PDHA1: variants seen among roughly 807,000 people sequenced by gnomAD.
The protein encoded by PDHA1 is pyruvate dehydrogenase E1 component subunit alpha, somatic form, mitochondrial.
In PDHA1, 1 loss-of-function variant was observed where a neutral mutation model predicts 33.0. The observed-to-expected ratio is 0.03, with a 90% confidence interval of 0.01 to 0.14. The LOEUF (loss-of-function observed/expected upper bound fraction) is 0.14, where lower values mean the gene tolerates loss of function less well. PDHA1 is among the 10% of genes least tolerant of loss of function. PDHA1 has a pLI of 1.00. For synonymous variants in PDHA1, 123 were observed against 119.2 expected, an observed-to-expected ratio of 1.03 and a Z score of -0.21; for missense variants, 168 against 325.1, an observed-to-expected ratio of 0.52 and a Z score of 3.72.
intron 8 of PDHA1, 97 bp from the exon 9 acceptor site, chrX:19,357,555 C>A: frequency 1.5e-6 from 1 of 646,803 alleles, no homozygotes; most frequent in Non-Finnish European, 2.6e-6. Context: ...CTACACTGGA[C>A]GCTTAATAAA....
At chrX:19,351,246 A>T in intron 3 of PDHA1, 35 bp from the exon 4 acceptor site, 1 of 1,195,673 alleles carries the variant, frequency 8.4e-7, no homozygotes, top group South Asian at 1.8e-5. Context: ...AACATGTATC[A>T]TATTGCCTCA....
intron 8 of PDHA1, among the ~76,000 whole-genome samples, 187 bp downstream of exon 8, chrX:19,355,944 C>T (rs147568238): frequency 8.0e-5 from 9 of 111,944 alleles, no homozygotes; most frequent in African/African-American, 2.9e-4. Context: ...GGGAAGCCTA[C>T]GTTTCTCTCA....
chrX:19,357,326 G>A, intron 8 of PDHA1: 1 of 287,490 alleles, frequency 3.5e-6, no homozygotes, highest in Non-Finnish European at 6.3e-6. Context: ...GAACTCCTGG[G>A]CGCAAGTGCT....
At position 19,361,245 on chromosome X, in the gene PDHA1, T is replaced by C; in HGVS notation, c.*1592T>C. 1.4e-6 allele frequency: 1 copy of C among 737,379 alleles called. No individual in the cohort carries two copies. The allele number at this position is 737,379 out of a possible 1,213,427, so 60.8% of individuals were successfully genotyped here. On this transcript the variant is annotated 3_prime_UTR_variant, in exon 11 of 11. Transcript: ENST00000422285. ...TTGAACCTAATAGAACTCCAGAGTT[T>C]GGGGGGAGGCCCAGCCCTTTGTTTT...
At position 19,349,332 on chromosome X, in the gene PDHA1, A is replaced by G; in HGVS notation, c.78A>G (p.Ala26=). 1 of 1,192,114 alleles carries G rather than the reference A, an allele frequency of 8.4e-7. No individual in the cohort carries two copies. The highest frequency in any genetic ancestry group is 1.1e-6 in the Non-Finnish European group (1 of 877,590). ...SQKPASRVLV[A]SRNFANDATF... Reference sequence around the variant, plus strand: ...TTAAGGCAAGCAGAGTGCTGGTAGCATCCCGTAATTTTGCAAATGATGCTA... The same window carrying G: ...TTAAGGCAAGCAGAGTGCTGGTAGCGTCCCGTAATTTTGCAAATGATGCTA... Residue 26 remains alanine, a synonymous_variant, in exon 2 of 11, where the codon GCA becomes GCG. Coordinates refer to ENST00000422285, the MANE Select transcript of PDHA1 (RefSeq NM_000284.4).
At chrX:19,346,594 G>T in intron 1 of PDHA1, 1 of 972,280 alleles carries the variant, frequency 1.0e-6, no homozygotes, top group Non-Finnish European at 1.3e-6. Flanking sequence ...AAAGTGCTGG[G>T]ATTACTCTCA....
chrX:19,353,317 A>C (rs1466994708), intron 5 of PDHA1, 144 bp downstream of exon 5: 1 of 529,122 alleles, frequency 1.9e-6, no homozygotes, highest in Admixed American at 2.7e-5. Context: ...CGCATATATG[A>C]TGTTGGACCC....
intron 1 of PDHA1, among the ~76,000 whole-genome samples, chrX:19,345,572 TAAAAAA>T (rs11318265): frequency 9.9e-5 from 3 of 30,270 alleles, no homozygotes; most frequent in South Asian, 2.9e-3. Flanking sequence ...CTCCGTATTT[TAAAAAA>T]AAAAAAAAAA....
chrX:19,361,038 G>C lies in PDHA1; in HGVS notation c.*1385G>C, dbSNP rs1034574417. 3.6e-4 allele frequency: 150 copies of C among 420,043 alleles called. No homozygotes were observed. The highest frequency in any genetic ancestry group is 1.1e-4 in the Non-Finnish European group (26 of 245,237). The allele number at this position is 420,043 out of a possible 1,213,427, so 34.6% of individuals were successfully genotyped here. A position where few individuals can be genotyped will look rare whatever the true frequency, so the allele number is the denominator to read the frequency against. On this transcript the variant is annotated 3_prime_UTR_variant, in exon 11 of 11. Transcript: ENST00000422285. ...GCTATTTCAAATGACTCGGGAACAA[G>C]AAGGCAGGCTGCAGTTTAAAGAAGG...
intron 8 of PDHA1, 27 bp from the exon 9 acceptor site, chrX:19,357,625 A>ACTAACTGC: frequency 8.5e-7 from 1 of 1,178,653 alleles, no homozygotes. Context: ...TTCCTAACTA[A>ACTAACTGC]CTAACTGCCT....
intron 5 of PDHA1, chrX:19,353,389 A>G (rs2063175521): frequency 6.7e-6 from 3 of 450,261 alleles, no homozygotes; most frequent in Non-Finnish European, 7.9e-6. Flanking sequence ...GGCACAACAC[A>G]TTACCTTTTC....
At chrX:19,358,693 G>C (rs893643540) in intron 9 of PDHA1, among the ~76,000 whole-genome samples, 1 of 112,013 alleles carries the variant, frequency 8.9e-6, no homozygotes, top group African/African-American at 3.2e-5. Flanking sequence ...GACAGAAGCA[G>C]TTATTACAGA....
At chrX:19,344,522 G>T (rs917410513) in intron 1 of PDHA1, among the ~76,000 whole-genome samples, 2 of 113,308 alleles carry the variant, frequency 1.8e-5, no homozygotes, top group African/African-American at 6.4e-5. Context: ...GGGTGGCTTC[G>T]TTCAAACAGC....
intron 1 of PDHA1, among the ~76,000 whole-genome samples, chrX:19,346,242 G>A (rs2063132613): frequency 1.8e-5 from 2 of 111,831 alleles, no homozygotes; most frequent in Admixed American, 9.5e-5. Flanking sequence ...GTAGGCAGCT[G>A]GTCTGATGGC....
rs1569194295 is a variant in PDHA1, at chrX:19,359,668, G to GA, written c.*16dup. The GA allele has an allele frequency of 3.4e-6, 4 of 1,193,590 alleles. No homozygotes were observed. The Admixed American group carries it at 6.5e-5, about 19-fold the overall frequency. On this transcript the variant is annotated 3_prime_UTR_variant, in exon 11 of 11. Coordinates refer to ENST00000422285, the MANE Select transcript of PDHA1 (RefSeq NM_000284.4). ...CAGTCAGTTAAGGGGAGGAGAAGGAGAGGTTATACCTTCAGGGGGCTACCA... is the reference window on the plus strand; with the variant it reads ...CAGTCAGTTAAGGGGAGGAGAAGGAGAAGGTTATACCTTCAGGGGGCTACCA...
intron 3 of PDHA1, among the ~76,000 whole-genome samples, chrX:19,350,546 G>A (rs1353328166): frequency 1.8e-5 from 2 of 112,508 alleles, no homozygotes; most frequent in Non-Finnish European, 3.8e-5. Flanking sequence ...GATTACAGGC[G>A]TGAGCCACTG....
chrX:19,355,518 T>C lies in PDHA1; in HGVS notation c.759+14T>C, dbSNP rs1254050122. The C allele has an allele frequency of 8.4e-7, 1 of 1,195,217 alleles. No individual in the cohort carries two copies. Among genetic ancestry groups the C allele is most frequent in the Non-Finnish European group, 1.1e-6 (1 of 893,676 alleles). On this transcript the variant is annotated intron_variant, in intron 7 of 10. Transcript: ENST00000422285. ...CCTGGGCTGAGAGTAAGGACACCTG[T>C]GGTGGGGCCGGGGCCAAGGCCAAGG...
intron 4 of PDHA1, among the ~76,000 whole-genome samples, chrX:19,352,225 CTTT>C (rs1237519823): frequency 2.1e-4 from 18 of 86,213 alleles, no homozygotes; most frequent in African/African-American, 5.2e-4. Context: ...CCTCCTCCTC[CTTT>C]TTTTTTTTTT....
rs2063286279 is a variant in PDHA1 at position 19,361,438 on chromosome X, A to G, written c.*1785A>G. 1.7e-6 allele frequency: 2 copies of G among 1,194,621 alleles called. No individual in the cohort carries two copies. The highest frequency in any genetic ancestry group is 3.5e-5 in the African/African-American group (2 of 57,602). ...AATCTGAAACAAAGATCAGATCCTT[A>G]AGAGCTGAGCAGCTGTGTAACAACA... On this transcript the variant is annotated 3_prime_UTR_variant, in exon 11 of 11. Coordinates refer to ENST00000422285, the MANE Select transcript of PDHA1 (RefSeq NM_000284.4).
Sources: allele counts gnomAD v4.1 joint callset (sites outside exome capture counted in the v4.1 genomes callset), GRCh38; gene constraint gnomAD v4.1.1; transcripts MANE v1.5; gene names NCBI Gene and HGNC (gene_info 2026-07-23, HGNC 2026-07-21).